The following TENM3 variants were observed in gnomAD, a reference collection of about 807,000 sequenced individuals.
The protein encoded by TENM3 is teneurin transmembrane protein 3, also known as teneurin-3.
Under a neutral mutation model 255.1 loss-of-function variants are expected in TENM3, and 63 were observed. The ratio of observed to expected loss-of-function variants is 0.25; its 90% CI spans 0.20 to 0.30. The LOEUF is 0.30. TENM3 is among the 10% of genes least tolerant of loss of function. The pLI is 1.00. For missense variants in TENM3, 2,929 were observed against 3,461.1 expected (o/e 0.85, Z 3.86); for synonymous variants, 1,306 against 1,322.3 (o/e 0.99, Z 0.27).
chr4:182,680,255 G>A lies in TENM3; in HGVS notation c.1545G>A (p.Val515=). Residue 515 remains valine (V), a synonymous_variant, in exon 9 of 28, where the codon GTG becomes GTA. Coordinates refer to ENST00000511685, the MANE Select transcript of TENM3 (RefSeq NM_001080477.4). ...VSFNTIVIES[V]VECPRNCHGN... ...TCTTTCCTTTTTCTTCAGAGTCTGT[G>A]GTGGAATGTCCCCGAAATTGCCATG... 6.2e-7 allele frequency: 1 copy of A among 1,611,288 alleles called. No individual in the cohort carries two copies. Among genetic ancestry groups the A allele is most frequent in the African/African-American group, 1.3e-5 (1 of 74,942 alleles).
chr4:182,378,211 A>G lies in TENM3; in HGVS notation c.511+31282A>G, dbSNP rs67803058. Among the ~76,000 whole-genome samples, 6 of 152,204 alleles carry G rather than the reference A, an allele frequency of 3.9e-5. No individual in the cohort carries two copies. The East Asian group carries it at 1.2e-3, about 29-fold the overall frequency. ...TTTATAAATAAGGAAACCAACATAC[A>G]GAGAGATTTATCCCTTTGTCTTTCT... On this transcript the variant is annotated intron_variant, in intron 3 of 27. Transcript: ENST00000511685.
chr4:181,952,052 A>G, the TENM3 span, among the ~76,000 whole-genome samples: 1 of 152,212 alleles, frequency 6.6e-6, no homozygotes, highest in Non-Finnish European at 1.5e-5. Flanking sequence ...AGACTTTTTA[A>G]AGAACTGTGG....
chr4:181,821,379 A>C, the TENM3 span, among the ~76,000 whole-genome samples: 1 of 152,180 alleles, frequency 6.6e-6, no homozygotes, highest in Admixed American at 6.5e-5. Context: ...CACAGTTCTC[A>C]TCTTATATCC....
At chr4:181,524,182 G>A in the TENM3 span, among the ~76,000 whole-genome samples, 1 of 152,142 alleles carries the variant, frequency 6.6e-6, no homozygotes, top group East Asian at 1.9e-4. Context: ...TTTGGGGGTG[G>A]TGTAGGAGTA....
chr4:182,162,137 G>C (rs766940048), intron 1 of TENM3, among the ~76,000 whole-genome samples: 1 of 151,676 alleles, frequency 6.6e-6, no homozygotes, highest in East Asian at 2.0e-4. Context: ...TCCTGCCTCA[G>C]TCTCTTGAGT....
intron 3 of TENM3, among the ~76,000 whole-genome samples, chr4:182,467,574 A>T (rs1445540192): frequency 3.9e-5 from 6 of 152,180 alleles, no homozygotes; most frequent in Admixed American, 2.6e-4. Flanking sequence ...CCGAGGAATG[A>T]TGCATGAGAT....
chr4:181,773,707 T>G, the TENM3 span, among the ~76,000 whole-genome samples: 6 of 152,158 alleles, frequency 3.9e-5, no homozygotes, highest in Non-Finnish European at 8.8e-5. Context: ...TGTTTAAAAT[T>G]TGTGTGTGTG....
the TENM3 span, among the ~76,000 whole-genome samples, chr4:182,128,961 T>C: frequency 6.6e-6 from 1 of 152,184 alleles, no homozygotes; most frequent in African/African-American, 2.4e-5. Flanking sequence ...AAATTAATTC[T>C]GTCATCACAA....
chr4:182,622,539 C>A (rs1446710797), intron 4 of TENM3, among the ~76,000 whole-genome samples: 1 of 152,148 alleles, frequency 6.6e-6, no homozygotes, highest in Non-Finnish European at 1.5e-5. Context: ...AGTTCATAAT[C>A]TTGAGAGTCC....
At chr4:181,553,529 C>T in the TENM3 span, among the ~76,000 whole-genome samples, 10 of 151,976 alleles carry the variant, frequency 6.6e-5, no homozygotes, top group South Asian at 2.1e-3. Context: ...GCAAGCTCCG[C>T]CTCCCGGGTT....
chr4:181,466,111 T>TTTTTTTTC, the TENM3 span, among the ~76,000 whole-genome samples: 3 of 21,524 alleles, frequency 1.4e-4, no homozygotes, highest in Non-Finnish European at 4.0e-4. Flanking sequence ...TCTCCAGGAA[T>TTTTTTTTC]TTTTTTTTTT....
the TENM3 span, among the ~76,000 whole-genome samples, chr4:181,866,011 A>T: frequency 6.6e-6 from 1 of 152,190 alleles, no homozygotes; most frequent in African/African-American, 2.4e-5. Context: ...TTAAATCCAT[A>T]GGTCTTAGTT....
At chr4:181,854,179 C>T in the TENM3 span, among the ~76,000 whole-genome samples, 1 of 152,180 alleles carries the variant, frequency 6.6e-6, no homozygotes, top group Non-Finnish European at 1.5e-5. Flanking sequence ...GATCATCAGT[C>T]ACAATTTATT....
intron 1 of TENM3, among the ~76,000 whole-genome samples, chr4:182,190,871 C>T (rs73871815): frequency 0.015 from 2,316 of 152,110 alleles, 50 homozygotes; most frequent in African/African-American, 0.053. Flanking sequence ...ATGTCTCTTA[C>T]GCTTTGAAAT....
At chr4:182,288,088 C>T (rs1450722102) in intron 1 of TENM3, among the ~76,000 whole-genome samples, 1 of 151,970 alleles carries the variant, frequency 6.6e-6, no homozygotes. Context: ...CAGGCGTGCA[C>T]CACCACACCG....
chr4:181,492,722 C>T, the TENM3 span, among the ~76,000 whole-genome samples: 7 of 152,198 alleles, frequency 4.6e-5, no homozygotes, highest in South Asian at 2.1e-4. Flanking sequence ...AAACAAGTTT[C>T]GGTGTTATCA....
Position 182,737,163 on chromosome 4 carries a change from GATAAACAGAAT to G in TENM3, c.3235+94_3235+104del. 3.0e-6 allele frequency: 4 copies of G among 1,341,792 alleles called. No homozygotes were observed. The South Asian group carries it at 5.5e-5, about 18-fold the overall frequency. The allele number at this position is 1,341,792 out of a possible 1,614,324, so 83.1% of individuals were successfully genotyped here. ...TAATTGTAACCCAGGGAAGTCAGTG[GATAAACAGAAT>G]ATAAAGAGAATAAGGTTGTCCTAGG... On this transcript the variant is annotated intron_variant, in intron 17 of 27. Coordinates refer to ENST00000511685, the MANE Select transcript of TENM3 (RefSeq NM_001080477.4).
chr4:182,301,603 C>A (rs761299613), intron 1 of TENM3, among the ~76,000 whole-genome samples: 2 of 152,202 alleles, frequency 1.3e-5, no homozygotes, highest in Non-Finnish European at 2.9e-5. Flanking sequence ...AATTCCCACT[C>A]CTAGGTGCGT....
chr4:182,422,587 C>T (rs796761728), intron 3 of TENM3, among the ~76,000 whole-genome samples: 21 of 152,256 alleles, frequency 1.4e-4, no homozygotes, highest in East Asian at 1.4e-3. Flanking sequence ...GAATTCTCTC[C>T]GGCTTTACTG....
Sources: allele counts gnomAD v4.1 joint callset (sites outside exome capture counted in the v4.1 genomes callset), GRCh38; gene constraint gnomAD v4.1.1; transcripts MANE v1.5; gene names NCBI Gene and HGNC (gene_info 2026-07-23, HGNC 2026-07-21).